PDE3B: variants seen among roughly 807,000 people sequenced by gnomAD.
PDE3B encodes phosphodiesterase 3B.
Under a neutral mutation model 116.8 loss-of-function variants are expected in PDE3B, and 66 were observed. That is an observed-to-expected ratio of 0.56 (90% CI 0.46 to 0.69). PDE3B has a LOEUF of 0.69. PDE3B is among the 30% of genes least tolerant of loss of function. The pLI, the probability that PDE3B is intolerant of heterozygous loss-of-function variation, is 0.00. For synonymous variants in PDE3B, 595 were observed against 533.6 expected, an observed-to-expected ratio of 1.12 and a Z score of -1.59; for missense variants, 1,384 against 1,368.1, an observed-to-expected ratio of 1.01 and a Z score of -0.18.
At chr11:14,656,205 G>A (rs1853712669) in intron 1 of PDE3B, among the ~76,000 whole-genome samples, 1 of 152,198 alleles carries the variant, frequency 6.6e-6, no homozygotes, top group Non-Finnish European at 1.5e-5. Context: ...AACATTGGAA[G>A]ATGAGCTGGT....
At chr11:14,645,448 T>C (rs1433343636) in intron 1 of PDE3B, among the ~76,000 whole-genome samples, 7 of 152,204 alleles carry the variant, frequency 4.6e-5, no homozygotes, top group South Asian at 2.1e-4. Context: ...TTTGCTGTTA[T>C]AATGATGCCT....
At position 14,786,658 on chromosome 11, in the gene PDE3B, T is replaced by C; in HGVS notation, c.1251T>C (p.Ala417=). Residue 417 remains alanine (A), a synonymous_variant, in exon 3 of 16, where the codon GCT becomes GCC. Coordinates refer to ENST00000282096, the MANE Select transcript of PDE3B (RefSeq NM_000922.4). ...FYPCSEIEDP[A]EKGDRKLNKG... is the part of the protein sequence containing the mutation. ...CCTGTTCTGAAATAGAGGACCCAGC[T>C]GAGAAAGGGGATAGAAAACTTAACA... 1 of 1,611,806 alleles carries C rather than the reference T, an allele frequency of 6.2e-7. No homozygotes were observed. The highest frequency in any genetic ancestry group is 2.2e-5 in the East Asian group (1 of 44,828).
At position 14,786,695 on chromosome 11, in the gene PDE3B, C is replaced by T. The variant is rs766131423; in HGVS notation, c.1278+10C>T. 6.3e-6 allele frequency: 10 copies of T among 1,594,614 alleles called. No individual in the cohort carries two copies. Among genetic ancestry groups the T allele is most frequent in the Middle Eastern group, 1.7e-4 (1 of 6,040 alleles). On this transcript the variant is annotated intron_variant, in intron 3 of 15. Coordinates refer to ENST00000282096, the MANE Select transcript of PDE3B (RefSeq NM_000922.4). ...TAGAAAACTTAACAAGGTCGAAATACAGTAATCATCTAACCCTATTTATCA... is the reference window on the plus strand; with the variant it reads ...TAGAAAACTTAACAAGGTCGAAATATAGTAATCATCTAACCCTATTTATCA...
chr11:14,734,919 C>G (rs887969445), intron 1 of PDE3B, among the ~76,000 whole-genome samples: 1 of 152,032 alleles, frequency 6.6e-6, no homozygotes, highest in African/African-American at 2.4e-5. Flanking sequence ...TTTAAGTTTC[C>G]CGAAATATCC....
Position 14,779,986 on chromosome 11 carries a change from T to C in PDE3B, c.1030-6451T>C, listed in dbSNP as rs539686176. Reference sequence around the variant, plus strand: ...GATGGAGGAAGATCTACCAAGCAAATGGAAAAAAAAAAAAAAAGCAGGGGT... The same window carrying C: ...GATGGAGGAAGATCTACCAAGCAAACGGAAAAAAAAAAAAAAAGCAGGGGT... On this transcript the variant is annotated intron_variant, in intron 2 of 15. Transcript: ENST00000282096. 7.7e-3 allele frequency among the ~76,000 whole-genome samples: 927 copies of C among 120,602 alleles called. 12 individuals are homozygous for C. Among genetic ancestry groups the C allele is most frequent in the African/African-American group, 0.028 (883 of 31,028 alleles). The allele number at this position is 120,602 out of a possible 152,430, so 79.1% of individuals were successfully genotyped here.
chr11:14,803,967 CT>C lies in PDE3B; in HGVS notation c.1443del (p.Phe481LeufsTer6). The C allele has an allele frequency of 6.2e-7, 1 of 1,606,868 alleles. No individual in the cohort carries two copies. The highest frequency in any genetic ancestry group is 8.5e-7 in the Non-Finnish European group (1 of 1,173,530). ...ISSQGCYLNGPFNSNLLTIPK... is the reference protein window; with the variant it reads ...ISSQGCYLNGXFNSNLLTIPK... ...AGTCAAGGATGCTATCTAAATGGGC[CT>C]TTTAATTCAAATCTACTGACTATCC... On this transcript the variant is annotated frameshift_variant, in exon 5 of 16. Transcript: ENST00000282096. LOFTEE classifies it high-confidence loss of function.
intron 12 of PDE3B, among the ~76,000 whole-genome samples, chr11:14,857,660 A>G (rs1237453293): frequency 6.6e-6 from 1 of 152,138 alleles, no homozygotes; most frequent in Non-Finnish European, 1.5e-5. Context: ...CGCCCATTTT[A>G]TATTTCTTTG....
chr11:14,678,672 T>A (rs764571585), intron 1 of PDE3B, among the ~76,000 whole-genome samples: 4 of 152,222 alleles, frequency 2.6e-5, no homozygotes, highest in Non-Finnish European at 4.4e-5. Flanking sequence ...TTGTTGGATT[T>A]GTGATTTGCA....
chr11:14,809,163 G>GA (rs980382976), intron 5 of PDE3B, among the ~76,000 whole-genome samples: 1 of 152,162 alleles, frequency 6.6e-6, no homozygotes, highest in African/African-American at 2.4e-5. Context: ...TCTATTCAAT[G>GA]AAATTCAATT....
chr11:14,818,098 T>C, intron 5 of PDE3B, 85 bp from the exon 6 acceptor site: 3 of 905,534 alleles, frequency 3.3e-6, no homozygotes, highest in Non-Finnish European at 4.9e-6. Context: ...AAGGAAAAAA[T>C]CCATAAAAAC....
intron 2 of PDE3B, chr11:14,774,748 T>C (rs1857735825): frequency 6.6e-6 from 1 of 152,254 alleles, no homozygotes; most frequent in Admixed American, 6.5e-5. Flanking sequence ...CCATAAGTTA[T>C]CATGTCACTC....
At chr11:14,847,394 A>T (rs1488975677) in intron 12 of PDE3B, among the ~76,000 whole-genome samples, 3 of 151,754 alleles carry the variant, frequency 2.0e-5, no homozygotes, top group Non-Finnish European at 4.4e-5. Flanking sequence ...AGCAGGAAAG[A>T]TCCAGAATTG....
chr11:14,790,732 A>C (rs1311787130), intron 4 of PDE3B, among the ~76,000 whole-genome samples: 1 of 152,160 alleles, frequency 6.6e-6, no homozygotes, highest in African/African-American at 2.4e-5. Context: ...AGAATAAATT[A>C]ATTGGTGGTA....
chr11:14,892,252 G>C, the PDE3B span: 1 of 1,557,210 alleles, frequency 6.4e-7, no homozygotes, highest in Non-Finnish European at 8.7e-7. Flanking sequence ...TGAGACCCAG[G>C]CACTCCCTCC....
intron 4 of PDE3B, among the ~76,000 whole-genome samples, chr11:14,797,033 T>C (rs1858578360): frequency 6.6e-6 from 1 of 152,242 alleles, no homozygotes; most frequent in Admixed American, 6.5e-5. Context: ...CTTCAGTTAA[T>C]TTTTGTATAA....
intron 1 of PDE3B, among the ~76,000 whole-genome samples, chr11:14,664,533 GAAGA>G (rs1157149823): frequency 3.0e-5 from 2 of 65,916 alleles, no homozygotes; most frequent in Non-Finnish European, 9.0e-5. Context: ...GACTAATAAA[GAAGA>G]AAAGAGAGAA....
intron 12 of PDE3B, among the ~76,000 whole-genome samples, chr11:14,858,014 A>G (rs1223908068): frequency 2.0e-5 from 3 of 152,234 alleles, no homozygotes; most frequent in African/African-American, 4.8e-5. Flanking sequence ...GGCTCATTGC[A>G]AAGTTTAAAT....
intron 13 of PDE3B, among the ~76,000 whole-genome samples, chr11:14,860,514 A>G (rs1847929264): frequency 6.6e-6 from 1 of 152,140 alleles, no homozygotes; most frequent in South Asian, 2.1e-4. Context: ...GCTAATAATT[A>G]TCATTTATTT....
chr11:14,692,350 T>C (rs1255977384), intron 1 of PDE3B, among the ~76,000 whole-genome samples: 2 of 152,148 alleles, frequency 1.3e-5, no homozygotes, highest in Non-Finnish European at 2.9e-5. Context: ...TTTGTATGAC[T>C]GTTTTGGTGC....
Sources: gnomAD v4.1 joint callset for allele counts (sites outside exome capture counted in the v4.1 genomes callset) on GRCh38, gnomAD v4.1.1 for gene constraint, MANE v1.5 for transcripts, NCBI Gene and HGNC (gene_info 2026-07-23, HGNC 2026-07-21) for gene names.